The following HECW1 variants were observed in gnomAD, a reference collection of about 807,000 sequenced individuals.
HECW1 encodes the protein HECT, C2 and WW domain containing E3 ubiquitin protein ligase 1.
In HECW1, 61 loss-of-function variants were observed where a neutral mutation model predicts 182.3. The observed-to-expected ratio is 0.33, with a 90% confidence interval of 0.27 to 0.41. The LOEUF (loss-of-function observed/expected upper bound fraction) is 0.41. Among genes scored for constraint, HECW1 ranks in the 10% least tolerant of loss-of-function variants. HECW1 has a pLI of 1.00. For synonymous variants in HECW1, 859 were observed against 832.6 expected (o/e 1.03, Z -0.55); for missense variants, 1,739 against 2,108.9 (o/e 0.82, Z 3.44).
rs1355501066 is a variant in HECW1 at position 43,507,895 on chromosome 7, T to A, written c.3753-123T>A. 7.8e-6 allele frequency: 5 copies of A among 641,872 alleles called. No homozygotes were observed. The East Asian group carries it at 1.4e-4, about 17-fold the overall frequency. The allele number at this position is 641,872 out of a possible 1,614,324, so 39.8% of individuals were successfully genotyped here. Reference sequence around the variant, plus strand: ...TGAACTGACGGAACCTGGGTCCTGCTCTTTCCTCTCTCTTTGGAGAGGCTG... The same window carrying A: ...TGAACTGACGGAACCTGGGTCCTGCACTTTCCTCTCTCTTTGGAGAGGCTG... On this transcript the variant is annotated intron_variant, in intron 22 of 29. Coordinates refer to ENST00000395891, the MANE Select transcript of HECW1 (RefSeq NM_015052.5).
At chr7:43,393,555 A>G (rs1309649021) in intron 6 of HECW1, among the ~76,000 whole-genome samples, 13 of 152,192 alleles carry the variant, frequency 8.5e-5, no homozygotes, top group Non-Finnish European at 1.0e-4. Flanking sequence ...TGGTGCTTAG[A>G]TGACTTTGTA....
At chr7:43,412,369 A>G (rs1228142155) in intron 8 of HECW1, among the ~76,000 whole-genome samples, 1 of 151,970 alleles carries the variant, frequency 6.6e-6, no homozygotes, top group Non-Finnish European at 1.5e-5. Context: ...ACTAGGAAAA[A>G]AATATAGTCC....
chr7:43,267,864 G>A (rs543109761), intron 3 of HECW1, among the ~76,000 whole-genome samples: 21 of 152,212 alleles, frequency 1.4e-4, no homozygotes, highest in African/African-American at 5.1e-4. Flanking sequence ...TTAAGAAGTA[G>A]AAAATTTCAA....
At chr7:43,256,480 G>C (rs1291540906) in intron 3 of HECW1, among the ~76,000 whole-genome samples, 1 of 151,860 alleles carries the variant, frequency 6.6e-6, no homozygotes, top group Non-Finnish European at 1.5e-5. Context: ...GTGGTGGCAG[G>C]CGCCTGTAAT....
rs183952403 is a variant in HECW1 at position 43,423,748 on chromosome 7, A to G, written c.802-14255A>G. 2.4e-3 allele frequency among the ~76,000 whole-genome samples: 371 copies of G among 152,340 alleles called. 2 individuals carry two copies. Among genetic ancestry groups the G allele is most frequent in the African/African-American group, 8.6e-3 (357 of 41,580 alleles). ...TCCCAACTCCACATTTAGTGAAATC[A>G]GCCATCGAGGGAGTATTTACACCAA... On this transcript the variant is annotated intron_variant, in intron 8 of 29. Coordinates refer to ENST00000395891, the MANE Select transcript of HECW1 (RefSeq NM_015052.5).
chr7:43,470,083 C>T (rs1455371020), intron 16 of HECW1, among the ~76,000 whole-genome samples: 1 of 152,140 alleles, frequency 6.6e-6, no homozygotes, highest in African/African-American at 2.4e-5. Context: ...CCTCTGTAAC[C>T]AGGGATGAAT....
chr7:43,181,875 C>T (rs1160571151), intron 2 of HECW1, among the ~76,000 whole-genome samples: 2 of 150,810 alleles, frequency 1.3e-5, no homozygotes, highest in Non-Finnish European at 2.9e-5. Context: ...GCAAGCTCCA[C>T]CTCCTGGGTT....
At chr7:43,291,628 T>C (rs151158331) in intron 3 of HECW1, among the ~76,000 whole-genome samples, 1 of 152,036 alleles carries the variant, frequency 6.6e-6, no homozygotes, top group East Asian at 1.9e-4. Flanking sequence ...TTCTAACACT[T>C]ACGATTTATT....
At chr7:43,466,670 T>A in intron 15 of HECW1, 102 bp downstream of exon 15, 3 of 1,338,070 alleles carry the variant, frequency 2.2e-6, no homozygotes, top group Admixed American at 4.5e-5. Flanking sequence ...AATTTTAACA[T>A]AAGCAAGAAA....
intron 13 of HECW1, among the ~76,000 whole-genome samples, chr7:43,457,846 A>AGAG (rs1389914640): frequency 2.6e-5 from 4 of 152,188 alleles, no homozygotes; most frequent in African/African-American, 9.6e-5. Context: ...TGTTGTACAC[A>AGAG]GAGGAGCATG....
At chr7:43,517,448 G>A (rs1020088347) in intron 24 of HECW1, among the ~76,000 whole-genome samples, 2 of 151,984 alleles carry the variant, frequency 1.3e-5, no homozygotes, top group Non-Finnish European at 2.9e-5. Flanking sequence ...GGGGAGGAGG[G>A]AAGCTCTTTT....
chr7:43,311,398 T>C (rs1416692684), intron 3 of HECW1, among the ~76,000 whole-genome samples: 6 of 152,182 alleles, frequency 3.9e-5, no homozygotes, highest in African/African-American at 1.4e-4. Context: ...TCCAATCTAA[T>C]TGACGTTGGA....
At chr7:43,423,203 C>T (rs1781625885) in intron 8 of HECW1, among the ~76,000 whole-genome samples, 2 of 152,152 alleles carry the variant, frequency 1.3e-5, no homozygotes, top group African/African-American at 4.8e-5. Context: ...AGTGTGTGAG[C>T]AGCCCTAAAG....
At chr7:43,415,200 A>T (rs769917338) in intron 8 of HECW1, among the ~76,000 whole-genome samples, 2,222 of 150,182 alleles carry the variant, frequency 0.015, 34 homozygotes, top group Non-Finnish European at 0.022. Flanking sequence ...CACTTCCTTC[A>T]GGAGCTCTTT....
intron 2 of HECW1, among the ~76,000 whole-genome samples, chr7:43,173,337 A>T (rs1195861471): frequency 1.3e-5 from 2 of 152,198 alleles, no homozygotes; most frequent in African/African-American, 4.8e-5. Flanking sequence ...GCCAGTCAAT[A>T]GAAAGTTTGG....
At chr7:43,222,824 A>G (rs944843567) in intron 2 of HECW1, among the ~76,000 whole-genome samples, 6 of 152,090 alleles carry the variant, frequency 3.9e-5, no homozygotes, top group Admixed American at 3.3e-4. Flanking sequence ...CTCAGGGCTC[A>G]GGGCTGTGAT....
At chr7:43,220,523 C>G (rs1331106100) in intron 2 of HECW1, among the ~76,000 whole-genome samples, 1 of 152,194 alleles carries the variant, frequency 6.6e-6, no homozygotes, top group Admixed American at 6.5e-5. Context: ...CCTAAGTCAT[C>G]TCTTAGTCAT....
chr7:43,374,799 A>AAC (rs1303274874), intron 6 of HECW1, among the ~76,000 whole-genome samples: 3 of 54,074 alleles, frequency 5.5e-5, no homozygotes, highest in Non-Finnish European at 8.9e-5. Flanking sequence ...AAAAAAAAAA[A>AAC]ATAGAGAAAT....
At chr7:43,414,159 G>A (rs1358969649) in intron 8 of HECW1, among the ~76,000 whole-genome samples, 1 of 151,470 alleles carries the variant, frequency 6.6e-6, no homozygotes, top group African/African-American at 2.4e-5. Flanking sequence ...TCTCCTTGAA[G>A]AGGTCCTTCA....
Sources: allele counts gnomAD v4.1 joint callset (sites outside exome capture counted in the v4.1 genomes callset), GRCh38; gene constraint gnomAD v4.1.1; transcripts MANE v1.5; gene names NCBI Gene and HGNC (gene_info 2026-07-23, HGNC 2026-07-21).